Variants in TFRC observed in about 807,000 individuals in gnomAD.
TFRC encodes transferrin receptor protein 1.
Under a neutral mutation model 85.8 loss-of-function variants are expected in TFRC, and 35 were observed. The ratio of observed to expected loss-of-function variants is 0.41; its 90% CI spans 0.31 to 0.54. TFRC has a LOEUF of 0.54. TFRC is among the 20% of genes least tolerant of loss of function. TFRC has a pLI of 0.31. For synonymous variants in TFRC, 362 were observed against 328.6 expected, an observed-to-expected ratio of 1.10 and a Z score of -1.10; for missense variants, 828 against 921.5, an observed-to-expected ratio of 0.90 and a Z score of 1.31.
chr3:196,068,941 AAAAAG>A (rs1717962932), intron 7 of TFRC, among the ~76,000 whole-genome samples: 2 of 151,480 alleles, frequency 1.3e-5, no homozygotes, highest in African/African-American at 4.8e-5. Context: ...AAAAAAAAAA[AAAAAG>A]AAAAGAAAAA....
rs34596231 is a variant in TFRC at position 196,074,878 on chromosome 3, CAA to C, written c.238+279_238+280del. On this transcript the variant is annotated intron_variant, in intron 3 of 18. Transcript: ENST00000360110. ...TGAGCCACAGAGTGAGACTCCAACT[CAA>C]AAAAAAAAAAAAAAAAATTAGCCAG... is the stretch of plus-strand genomic sequence containing the variant. 4.5e-3 allele frequency among the ~76,000 whole-genome samples: 446 copies of C among 98,664 alleles called. 1 individual carries two copies. Among genetic ancestry groups the C allele is most frequent in the African/African-American group, 0.015 (368 of 25,232 alleles). The allele number at this position is 98,664 out of a possible 152,430, so 64.7% of individuals were successfully genotyped here. A position where few individuals can be genotyped will look rare whatever the true frequency, so the allele number is the denominator to read the frequency against.
chr3:196,073,687 G>A (rs1415116742), intron 4 of TFRC, among the ~76,000 whole-genome samples: 2 of 152,064 alleles, frequency 1.3e-5, no homozygotes, highest in African/African-American at 4.8e-5. Flanking sequence ...TACAAAGATG[G>A]GGAAAACATC....
chr3:196,065,430 G>T lies in TFRC; in HGVS notation c.1198+13C>A, dbSNP rs41295873. 62,250 of 549,134 alleles carry T rather than the reference G, an allele frequency of 0.11. 7,196 individuals are homozygous for T. The highest frequency in any genetic ancestry group is 0.17 in the South Asian group (6,306 of 36,668). The allele number at this position is 549,134 out of a possible 1,614,324, so 34.0% of individuals were successfully genotyped here. On this transcript the variant is annotated intron_variant, in intron 10 of 18. Coordinates refer to ENST00000360110, the MANE Select transcript of TFRC (RefSeq NM_001128148.3). ...AAAAAAGCGGGGCGGGGGGGGGGGG[G>T]GGCGGTCTTTACCTGGTTCTACAAA... is the stretch of plus-strand genomic sequence containing the variant.
chr3:196,051,879 G>C lies in TFRC; in HGVS notation c.*63C>G. 6.4e-7 allele frequency: 1 copy of C among 1,563,142 alleles called. No individual in the cohort carries two copies. Among genetic ancestry groups the C allele is most frequent in the East Asian group, 2.3e-5 (1 of 44,366 alleles). On this transcript the variant is annotated 3_prime_UTR_variant, in exon 19 of 19. Transcript: ENST00000360110. ...TGTAGCCCTACTGAAAATTTAGCAC[G>C]ATCAGCACAAGTCTAGAAACCAGAC... is the stretch of plus-strand genomic sequence containing the variant.
At chr3:196,054,975 A>G in intron 17 of TFRC, 105 bp downstream of exon 17, 2 of 1,135,374 alleles carry the variant, frequency 1.8e-6, no homozygotes, top group Non-Finnish European at 2.6e-6. Flanking sequence ...TTTAAAATGT[A>G]CTATGGCTAC....
rs183790827 is a variant in TFRC at position 196,080,297 on chromosome 3, T to C, written c.-24+1746A>G. Among the ~76,000 whole-genome samples the C allele has an allele frequency of 8.2e-3, 1,245 of 152,286 alleles. 13 individuals carry two copies. Among genetic ancestry groups the C allele is most frequent in the Non-Finnish European group, 9.4e-3 (642 of 68,020 alleles). ...TTTTGTATTTTTCGTAGAGACGGGG[T>C]TTCACCATGTTGGCCAGGCTAGTCT... On this transcript the variant is annotated intron_variant, in intron 1 of 18. Transcript: ENST00000360110.
At chr3:196,057,781 CAAAA>C (rs370832734) in intron 16 of TFRC, among the ~76,000 whole-genome samples, 2 of 77,578 alleles carry the variant, frequency 2.6e-5, no homozygotes, top group Non-Finnish European at 3.0e-5. Flanking sequence ...TCACCATTGT[CAAAA>C]AAAAAAAAAA....
intron 11 of TFRC, among the ~76,000 whole-genome samples, chr3:196,063,669 T>C (rs1717469138): frequency 6.6e-6 from 1 of 152,198 alleles, no homozygotes; most frequent in Admixed American, 6.5e-5. Flanking sequence ...GGTGGCTCAC[T>C]AGCAGCATTT....
chr3:196,074,241 T>C (rs915150004), intron 3 of TFRC, 116 bp from the exon 4 acceptor site: 3 of 1,000,730 alleles, frequency 3.0e-6, no homozygotes, highest in African/African-American at 1.6e-5. Flanking sequence ...AAATTCTAAG[T>C]AGTTTTAAAG....
chr3:196,054,946 C>A (rs894277925), intron 17 of TFRC, 134 bp downstream of exon 17: 2 of 895,092 alleles, frequency 2.2e-6, no homozygotes, highest in African/African-American at 1.7e-5. Context: ...ATTCTACATA[C>A]AATTATACCT....
In TFRC at chr3:196,069,488, A is replaced by T. The variant is rs1257769105; in HGVS notation, c.768T>A (p.Ile256=). 1 of 1,612,968 alleles carries T rather than the reference A, an allele frequency of 6.2e-7. No individual in the cohort carries two copies. The highest frequency in any genetic ancestry group is 8.5e-7 in the Non-Finnish European group (1 of 1,179,296). ...CAAAGGTGATTTTCCCTGCTCTGAC[A>T]ATCACTATAGATCCATTCACAGGAG... is the stretch of plus-strand genomic sequence containing the variant. ...LYTPVNGSIV[I]VRAGKITFAE... The change falls in exon 7 of 19, where the codon ATT becomes ATA. Residue 256 remains isoleucine, a synonymous_variant. Transcript: ENST00000360110.
chr3:196,064,895 A>G (rs907998695), intron 10 of TFRC, among the ~76,000 whole-genome samples: 1 of 152,222 alleles, frequency 6.6e-6, no homozygotes, highest in Non-Finnish European at 1.5e-5. Flanking sequence ...AATAACTTAG[A>G]ATAGATTTTC....
rs41297493 is a variant in TFRC at position 196,060,050 on chromosome 3, C to T, written c.1536+130G>A. The T allele has an allele frequency of 1.2e-3, 813 of 666,684 alleles. 5 individuals carry two copies. In the African/African-American group the frequency reaches 0.014, roughly 11 times the overall value. 41.3% of individuals were successfully genotyped at this position (666,684 alleles called of 1,614,324 possible). A position where few individuals can be genotyped will look rare whatever the true frequency, so the allele number is the denominator to read the frequency against. ...CAATAGGCAAGTATCCCTTAAATAA[C>T]GCTGCTATAAAATTTATTCTCAATT... On this transcript the variant is annotated intron_variant, in intron 14 of 18. Coordinates refer to ENST00000360110, the MANE Select transcript of TFRC (RefSeq NM_001128148.3).
Position 196,050,883 on chromosome 3 carries a change from T to C in TFRC, c.*1059A>G, listed in dbSNP as rs1319921080. 3 of 199,224 alleles carry C rather than the reference T, an allele frequency of 1.5e-5. No homozygotes were observed. Among genetic ancestry groups the C allele is most frequent in the Admixed American group, 1.2e-4 (2 of 16,576 alleles). The allele number at this position is 199,224 out of a possible 1,614,324, so 12.3% of individuals were successfully genotyped here. On this transcript the variant is annotated 3_prime_UTR_variant, in exon 19 of 19. Coordinates refer to ENST00000360110, the MANE Select transcript of TFRC (RefSeq NM_001128148.3). ...GCTGACGGCTGTTTTCTAAAACCCT[T>C]AAGTGTTGACCATAAATGCAAAACT...
At chr3:196,073,487 G>C (rs1471051972) in intron 4 of TFRC, among the ~76,000 whole-genome samples, 1 of 151,998 alleles carries the variant, frequency 6.6e-6, no homozygotes, top group Non-Finnish European at 1.5e-5. Flanking sequence ...CAGAAATTAA[G>C]AAGCACTAGA....
chr3:196,075,165 AG>A lies in TFRC; in HGVS notation c.231del (p.Leu78Ter), dbSNP rs1247991659. The A allele has an allele frequency of 6.2e-7, 1 of 1,614,098 alleles. No individual in the cohort carries two copies. The highest frequency in any genetic ancestry group is 1.7e-5 in the Admixed American group (1 of 59,992). ...TTGGAATGGTCATTCTCACCAATCA[AG>A]AAAAAGACGATCACAGCAATAGTCC... ...CYGTIAVIVFFLIGFMIGYLG... is the reference protein window; with the variant it reads ...CYGTIAVIVFXLIGFMIGYLG... On this transcript the variant is annotated frameshift_variant, in exon 3 of 19. Transcript: ENST00000360110. LOFTEE classifies it high-confidence loss of function.
At chr3:196,058,434 C>T (rs1716998545) in intron 15 of TFRC, 69 bp from the exon 16 acceptor site, 1 of 1,510,862 alleles carries the variant, frequency 6.6e-7, no homozygotes, top group Non-Finnish European at 9.1e-7. Flanking sequence ...TGCTAGTCCC[C>T]CCATCCAAAA....
At chr3:196,073,857 T>G in intron 4 of TFRC, 73 bp downstream of exon 4, 1 of 1,461,222 alleles carries the variant, frequency 6.8e-7, no homozygotes, top group Non-Finnish European at 9.3e-7. Flanking sequence ...AGTGTCACCA[T>G]TATTGTTTCC....
chr3:196,065,582 A>G lies in TFRC; in HGVS notation c.1059T>C (p.Cys353=). Residue 353 remains cysteine (C), a synonymous_variant, in exon 10 of 19, where the codon TGT becomes TGC. Coordinates refer to ENST00000360110, the MANE Select transcript of TFRC (RefSeq NM_001128148.3). The part of the protein sequence containing the change: ...EKLFGNMEGD[C]PSDWKTDSTC... Reference sequence around the variant, plus strand: ...TAGAGTCTGTTTTCCAGTCAGAGGGACAGTCTCCTTCCATATTCCTAGAAT... The same window carrying G: ...TAGAGTCTGTTTTCCAGTCAGAGGGGCAGTCTCCTTCCATATTCCTAGAAT... 1 of 1,606,582 alleles carries G rather than the reference A, an allele frequency of 6.2e-7. No homozygotes were observed.
Sources: gnomAD v4.1 joint callset for allele counts (sites outside exome capture counted in the v4.1 genomes callset) on GRCh38, gnomAD v4.1.1 for gene constraint, MANE v1.5 for transcripts, NCBI Gene and HGNC (gene_info 2026-07-23, HGNC 2026-07-21) for gene names.